The following SCNN1B variants were observed in gnomAD, a reference collection of about 807,000 sequenced individuals.
SCNN1B encodes sodium channel epithelial 1 subunit beta.
Under a neutral mutation model 65.3 loss-of-function variants are expected in SCNN1B, and 46 were observed. The ratio of observed to expected loss-of-function variants is 0.70; its 90% CI spans 0.56 to 0.90. SCNN1B has a LOEUF of 0.90. Ranked by LOEUF, SCNN1B falls within the 40% of genes least tolerant of loss-of-function variation. SCNN1B has a pLI of 0.00. For synonymous variants in SCNN1B, 349 were observed against 330.6 expected (o/e 1.06, Z -0.60); for missense variants, 751 against 830.5 (o/e 0.90, Z 1.18).
At chr16:23,341,803 C>G (rs1235600092) in intron 1 of SCNN1B, among the ~76,000 whole-genome samples, 1 of 152,124 alleles carries the variant, frequency 6.6e-6, no homozygotes, top group Non-Finnish European at 1.5e-5. Flanking sequence ...ATTAAGGTAG[C>G]TGTAATAACT....
At chr16:23,325,818 C>T (rs986865746) in intron 1 of SCNN1B, among the ~76,000 whole-genome samples, 4 of 151,542 alleles carry the variant, frequency 2.6e-5, no homozygotes, top group African/African-American at 7.3e-5. Flanking sequence ...TTTGAGAGGT[C>T]GAGGCGGAAG....
chr16:23,285,549 C>A (rs1596805159), intron 2 of SCNN1B, among the ~76,000 whole-genome samples: 2 of 151,924 alleles, frequency 1.3e-5, no homozygotes, highest in East Asian at 3.9e-4. Flanking sequence ...CTTGGGCAGG[C>A]CAAAGCAGGA....
chr16:23,378,765 C>T lies in SCNN1B; in HGVS notation c.1464C>T (p.Ser488=). 6.2e-7 allele frequency: 1 copy of T among 1,614,008 alleles called. No individual in the cohort carries two copies. Among genetic ancestry groups the T allele is most frequent in the Non-Finnish European group, 8.5e-7 (1 of 1,179,920 alleles). Reference sequence around the variant, plus strand: ...ACCAAAGCACCAATATCACCCTGAGCAGGTGAGCCTGAGCCTGGGCGGGGC... The same window carrying T: ...ACCAAAGCACCAATATCACCCTGAGTAGGTGAGCCTGAGCCTGGGCGGGGC... ...ERDQSTNITL[S]RKGIVKLNIY... is the part of the protein sequence containing the mutation. The change falls in exon 11 of 13, where the codon AGC becomes AGT. Residue 488 remains serine (S), a splice_region_variant and synonymous_variant. Transcript: ENST00000343070.
At chr16:23,307,792 G>A (rs976359481) in intron 1 of SCNN1B, among the ~76,000 whole-genome samples, 1 of 152,190 alleles carries the variant, frequency 6.6e-6, no homozygotes, top group African/African-American at 2.4e-5. Context: ...GCCATCGCCT[G>A]TAATCCCAAC....
intron 1 of SCNN1B, among the ~76,000 whole-genome samples, chr16:23,346,263 G>C (rs553606236): frequency 7.6e-6 from 1 of 132,256 alleles, no homozygotes; most frequent in East Asian, 2.3e-4. Flanking sequence ...CCAGGCTGGA[G>C]TGCAGTGGGG....
chr16:23,353,700 G>A (rs1285226943), intron 3 of SCNN1B, among the ~76,000 whole-genome samples: 1 of 152,222 alleles, frequency 6.6e-6, no homozygotes, highest in Non-Finnish European at 1.5e-5. Flanking sequence ...GTTCCCTGAG[G>A]GAGGAACTAA....
intron 1 of SCNN1B, among the ~76,000 whole-genome samples, chr16:23,312,463 G>A (rs1157835076): frequency 6.6e-6 from 1 of 152,014 alleles, no homozygotes; most frequent in Non-Finnish European, 1.5e-5. Context: ...GGACCGTGAG[G>A]CATTAGCAAG....
At chr16:23,328,050 T>C (rs145204057) in intron 1 of SCNN1B, among the ~76,000 whole-genome samples, 57 of 152,254 alleles carry the variant, frequency 3.7e-4, no homozygotes, top group African/African-American at 1.3e-3. Flanking sequence ...GCATGGCAGC[T>C]GGGGCCGAGG....
At chr16:23,353,385 A>C in intron 3 of SCNN1B, 1 of 439,826 alleles carries the variant, frequency 2.3e-6, no homozygotes, top group Non-Finnish European at 4.2e-6. Context: ...TGAGGTCATC[A>C]GGAATCTTTC....
chr16:23,343,471 AAAGAAAGG>A (rs1158358470), intron 1 of SCNN1B, among the ~76,000 whole-genome samples: 22 of 117,230 alleles, frequency 1.9e-4, no homozygotes, highest in African/African-American at 1.0e-3. Flanking sequence ...AAAGGAAAAG[AAAGAAAGG>A]AAGGAAGGAA....
chr16:23,342,859 G>C (rs1391000901), intron 1 of SCNN1B, among the ~76,000 whole-genome samples: 2 of 152,182 alleles, frequency 1.3e-5, no homozygotes. Flanking sequence ...GAGGAGGGTG[G>C]AGAGAGGAAT....
In SCNN1B at chr16:23,371,449, T is replaced by A; in HGVS notation, c.1031T>A (p.Ile344Asn). Residue 344 changes from isoleucine (I) to asparagine (N), a missense_variant, in exon 6 of 13, where the codon ATC becomes AAC. Transcript: ENST00000343070. ...IYAMSGTETS[I>N]GVLVDKLQRM... is the part of the protein sequence containing the mutation. ...GCCATGTCGGGGACAGAGACGTCCA[T>A]CGGGGTACTCGTGGTATGGCCGGAG... The A allele has an allele frequency of 6.2e-7, 1 of 1,613,814 alleles. No homozygotes were observed. Among genetic ancestry groups the A allele is most frequent in the Non-Finnish European group, 8.5e-7 (1 of 1,179,984 alleles).
At chr16:23,297,306 A>C (rs980497863), upstream of SCNN1B, among the ~76,000 whole-genome samples, 3 of 152,212 alleles carry the variant, frequency 2.0e-5, no homozygotes, top group African/African-American at 7.2e-5. Context: ...CCAGTCTGTC[A>C]AGATTCTGCA....
At chr16:23,310,763 A>G (rs895134002) in intron 1 of SCNN1B, among the ~76,000 whole-genome samples, 4 of 152,278 alleles carry the variant, frequency 2.6e-5, no homozygotes, top group Non-Finnish European at 5.9e-5. Flanking sequence ...TTGGTTGATC[A>G]CAAGAAAAGA....
intron 1 of SCNN1B, among the ~76,000 whole-genome samples, chr16:23,283,201 A>G (rs1262619533): frequency 2.6e-5 from 4 of 152,214 alleles, no homozygotes; most frequent in Non-Finnish European, 1.5e-5. Flanking sequence ...ACTTGAGGTC[A>G]GGAGTTGAAG....
upstream of SCNN1B, among the ~76,000 whole-genome samples, chr16:23,298,497 C>T (rs748677461): frequency 1.2e-4 from 19 of 152,196 alleles, no homozygotes; most frequent in Middle Eastern, 3.2e-3. Flanking sequence ...GGTAACTTCC[C>T]GGCGTTGCCA....
rs1206322430 is a variant in SCNN1B at position 23,348,875 on chromosome 16, C to T, written c.276C>T (p.Phe92=). 6.2e-7 allele frequency: 1 copy of T among 1,614,010 alleles called. No individual in the cohort carries two copies. Among genetic ancestry groups the T allele is most frequent in the African/African-American group, 1.3e-5 (1 of 74,916 alleles). ...CCGTAGGCTTCAAGACCATGGACTT[C>T]CCTGCCGTCACCATCTGCAATGCTA... ...SLSVGFKTMD[F]PAVTICNASP... The change falls in exon 2 of 13, where the codon TTC becomes TTT. Residue 92 remains phenylalanine, a synonymous_variant. Transcript: ENST00000343070. This position sits in a 1 kb window ranked among gnomAD's most constrained non-coding sequence, Gnocchi z 4.5.
chr16:23,336,466 G>C (rs1477047210), intron 1 of SCNN1B, among the ~76,000 whole-genome samples: 1 of 151,180 alleles, frequency 6.6e-6, no homozygotes, highest in African/African-American at 2.4e-5. Context: ...TCCCCTCCCG[G>C]GTTCAAGCAA....
upstream of SCNN1B, among the ~76,000 whole-genome samples, chr16:23,301,503 G>A (rs1370337981): frequency 6.6e-6 from 1 of 152,078 alleles, no homozygotes; most frequent in Non-Finnish European, 1.5e-5. Flanking sequence ...TTTTGAGAAT[G>A]ACTGCATTAA....
Sources: gnomAD v4.1 joint callset for allele counts (sites outside exome capture counted in the v4.1 genomes callset) on GRCh38, gnomAD v4.1.1 for gene constraint, Gnocchi (gnomAD v3.1) non-coding constraint, MANE v1.5 for transcripts, NCBI Gene and HGNC (gene_info 2026-07-23, HGNC 2026-07-21) for gene names.